SORCS2: variants seen among roughly 807,000 people sequenced by gnomAD.
SORCS2 encodes the protein sortilin related VPS10 domain containing receptor 2.
SORCS2 carries 100 observed loss-of-function variants against 141.6 expected under a neutral mutation model. That is an observed-to-expected ratio of 0.71 (90% CI 0.60 to 0.83). The LOEUF is 0.83. Ranked by LOEUF, SORCS2 falls within the 40% of genes least tolerant of loss-of-function variation. The pLI, the probability that SORCS2 is intolerant of heterozygous loss-of-function variation, is 0.00. For missense variants in SORCS2, 1,646 were observed against 1,560.2 expected, an observed-to-expected ratio of 1.05 and a Z score of -0.93; for synonymous variants, 789 against 676.9, an observed-to-expected ratio of 1.17 and a Z score of -2.57.
rs543945329 is a variant in SORCS2, at chr4:7,621,211, T to C, written c.649-17117T>C. On this transcript the variant is annotated intron_variant, in intron 3 of 26. Coordinates refer to ENST00000507866, the MANE Select transcript of SORCS2 (RefSeq NM_020777.3). Reference sequence around the variant, plus strand: ...CCTGAGCCCCGCCCAGGGTGGTGTGTGGGAAGTAGGGGCACAGGGTCTTTC... The same window carrying C: ...CCTGAGCCCCGCCCAGGGTGGTGTGCGGGAAGTAGGGGCACAGGGTCTTTC... Among the ~76,000 whole-genome samples, 27 of 152,288 alleles carry C rather than the reference T, an allele frequency of 1.8e-4. No homozygotes were observed. In the East Asian group the frequency reaches 4.8e-3, roughly 27 times the overall value.
chr4:7,677,445 A>G (rs893535727), intron 9 of SORCS2, among the ~76,000 whole-genome samples: 3 of 152,262 alleles, frequency 2.0e-5, no homozygotes, highest in African/African-American at 4.8e-5. Flanking sequence ...AGACGCAGAC[A>G]TAAGCAGGAA....
In SORCS2 at chr4:7,385,357, T is replaced by C. The variant is rs184435476; in HGVS notation, c.481-10931T>C. Among the ~76,000 whole-genome samples the C allele has an allele frequency of 4.5e-4, 68 of 152,336 alleles. 2 individuals carry two copies. Among genetic ancestry groups the C allele is most frequent in the Admixed American group, 3.7e-3 (57 of 15,306 alleles). ...ATAGAGGATGAGGGTGCAATGGGGATGCCCAGCACTGAGCCAGCTGGCTTC... is the reference window on the plus strand; with the variant it reads ...ATAGAGGATGAGGGTGCAATGGGGACGCCCAGCACTGAGCCAGCTGGCTTC... On this transcript the variant is annotated intron_variant, in intron 1 of 26. Transcript: ENST00000507866.
chr4:7,260,086 A>G (rs1003802133), intron 1 of SORCS2, among the ~76,000 whole-genome samples: 2 of 152,242 alleles, frequency 1.3e-5, no homozygotes, highest in African/African-American at 4.8e-5. Flanking sequence ...GAAAGGCAGA[A>G]TAGAGACACC....
intron 4 of SORCS2, among the ~76,000 whole-genome samples, chr4:7,639,891 A>G (rs62650098): frequency 0.016 from 2,441 of 149,144 alleles, 41 homozygotes; most frequent in African/African-American, 0.034. Context: ...ATGGGTGTGC[A>G]CGTGAAAGTG....
chr4:7,243,019 A>G (rs1437839330), intron 1 of SORCS2, among the ~76,000 whole-genome samples: 1 of 151,764 alleles, frequency 6.6e-6, no homozygotes, highest in African/African-American at 2.4e-5. Context: ...GTCCTCCTTG[A>G]GTGCGTCATT....
intron 1 of SORCS2, among the ~76,000 whole-genome samples, chr4:7,279,643 C>G (rs1037587631): frequency 2.0e-5 from 3 of 152,268 alleles, no homozygotes; most frequent in Admixed American, 2.0e-4. Flanking sequence ...CTTAGGTTTG[C>G]CTCTGTAAAG....
At position 7,534,712 on chromosome 4, in the gene SORCS2, C is replaced by T. The variant is rs571230206; in HGVS notation, c.648+3083C>T. ...GGGGCCACAAGCCAAGGAAAGCAGG[C>T]GCCTCCGGAAAGAAGTTGGAAAAGC... is the stretch of plus-strand genomic sequence containing the variant. On this transcript the variant is annotated intron_variant, in intron 3 of 26. Transcript: ENST00000507866. Among the ~76,000 whole-genome samples, 6 of 152,284 alleles carry T rather than the reference C, an allele frequency of 3.9e-5. No individual in the cohort carries two copies. In the South Asian group the frequency reaches 6.2e-4, roughly 16 times the overall value.
intron 2 of SORCS2, among the ~76,000 whole-genome samples, chr4:7,442,692 T>C (rs532699848): frequency 4.4e-5 from 6 of 135,314 alleles, no homozygotes; most frequent in Non-Finnish European, 9.4e-5. Flanking sequence ...GTTTCTGCCC[T>C]GTTTCATGAT....
intron 1 of SORCS2, among the ~76,000 whole-genome samples, chr4:7,387,698 ACG>A (rs1723506887): frequency 7.3e-6 from 1 of 136,780 alleles, no homozygotes; most frequent in South Asian, 2.2e-4. Context: ...AGAGATACAC[ACG>A]CACATGCACA....
chr4:7,482,095 A>T (rs1249882304), intron 2 of SORCS2, among the ~76,000 whole-genome samples: 4 of 47,412 alleles, frequency 8.4e-5, no homozygotes, highest in South Asian at 1.4e-3. Context: ...TACTGTTCAG[A>T]CCTGTATCCC....
intron 1 of SORCS2, among the ~76,000 whole-genome samples, chr4:7,225,794 G>A (rs1461021797): frequency 1.3e-5 from 2 of 152,134 alleles, no homozygotes; most frequent in African/African-American, 2.4e-5. Context: ...GGACCAGTTG[G>A]GGCTTCCTTC....
At chr4:7,199,823 C>T (rs1727387477) in intron 1 of SORCS2, among the ~76,000 whole-genome samples, 1 of 152,138 alleles carries the variant, frequency 6.6e-6, no homozygotes, top group South Asian at 2.1e-4. Context: ...CCTGTTGCCT[C>T]TGAGGACCCC....
At chr4:7,299,920 C>A (rs1359474874) in intron 1 of SORCS2, among the ~76,000 whole-genome samples, 1 of 152,216 alleles carries the variant, frequency 6.6e-6, no homozygotes, top group African/African-American at 2.4e-5. Context: ...GCACCCTGCT[C>A]CAACTGCGGC....
intron 3 of SORCS2, among the ~76,000 whole-genome samples, chr4:7,576,764 G>A (rs553907781): frequency 1.3e-5 from 2 of 152,332 alleles, no homozygotes; most frequent in South Asian, 2.1e-4. Context: ...GTCATAGACA[G>A]CAAAGGGCTG....
chr4:7,626,338 G>A (rs921666340), intron 3 of SORCS2, among the ~76,000 whole-genome samples: 1 of 152,044 alleles, frequency 6.6e-6, no homozygotes, highest in African/African-American at 2.4e-5. Context: ...AATTACAAAT[G>A]TAACACTTTC....
chr4:7,201,754 G>T lies in SORCS2; in HGVS notation c.480+8628G>T, dbSNP rs1291466838. Among the ~76,000 whole-genome samples, 3 of 152,058 alleles carry T rather than the reference G, an allele frequency of 2.0e-5. No individual in the cohort carries two copies. The highest frequency in any genetic ancestry group is 4.4e-5 in the Non-Finnish European group (3 of 68,024). On this transcript the variant is annotated intron_variant, in intron 1 of 26. Coordinates refer to ENST00000507866, the MANE Select transcript of SORCS2 (RefSeq NM_020777.3). The surrounding 1 kb of genome is among the most constrained non-coding windows in gnomAD (Gnocchi z 4.4). ...CTTACGAATGGCCCACTTTGTCCTC[G>T]CCCCTCCTTAGTCGCTAGTTTGGGT...
chr4:7,523,107 C>CTCCCTCTGCCTCT (rs1733445703), intron 2 of SORCS2, among the ~76,000 whole-genome samples: 1 of 151,214 alleles, frequency 6.6e-6, no homozygotes, highest in African/African-American at 2.4e-5. Context: ...CCTCTGCCTC[C>CTCCCTCTGCCTCT]TCCCTCTGCC....
intron 1 of SORCS2, among the ~76,000 whole-genome samples, chr4:7,313,325 G>A (rs908492957): frequency 4.6e-5 from 7 of 152,234 alleles, no homozygotes; most frequent in African/African-American, 1.4e-4. Flanking sequence ...TGAGTGCTGG[G>A]CTCTGGGGAC....
intron 2 of SORCS2, among the ~76,000 whole-genome samples, chr4:7,448,330 G>A (rs747855969): frequency 6.6e-6 from 1 of 152,002 alleles, no homozygotes; most frequent in Non-Finnish European, 1.5e-5. Flanking sequence ...GCCAGGCACA[G>A]AGAGAGATGC....
Sources: gnomAD v4.1 joint callset for allele counts (sites outside exome capture counted in the v4.1 genomes callset) on GRCh38, gnomAD v4.1.1 for gene constraint, Gnocchi (gnomAD v3.1) non-coding constraint, MANE v1.5 for transcripts, NCBI Gene and HGNC (gene_info 2026-07-23, HGNC 2026-07-21) for gene names.